GFRAL: variants seen among roughly 807,000 people sequenced by gnomAD.
GFRAL encodes GDNF family receptor alpha-like.
A neutral mutation model predicts 45.4 loss-of-function variants in GFRAL; 36 were observed. The observed-to-expected ratio is 0.79, with a 90% CI of 0.61 to 1.05. The LOEUF (loss-of-function observed/expected upper bound fraction) is 1.05, where lower values mean the gene tolerates loss of function less well. Ranked by LOEUF, GFRAL falls within the 50% of genes least tolerant of loss-of-function variation. The pLI is 0.00. For missense variants in GFRAL, 507 were observed against 467.5 expected (o/e 1.08, Z -0.78); for synonymous variants, 166 against 154.1 (o/e 1.08, Z -0.57).
chr6:55,382,865 GAAA>G (rs1768628932), intron 6 of GFRAL, among the ~76,000 whole-genome samples: 1 of 151,878 alleles, frequency 6.6e-6, no homozygotes, highest in South Asian at 2.1e-4. Context: ...TATCAGTAAA[GAAA>G]TATCTGAAAC....
intron 6 of GFRAL, among the ~76,000 whole-genome samples, chr6:55,384,907 T>C (rs1446214734): frequency 2.7e-5 from 4 of 150,044 alleles, no homozygotes; most frequent in African/African-American, 9.8e-5. Flanking sequence ...AGTTAGCCTA[T>C]GAGGAATGCT....
intron 6 of GFRAL, among the ~76,000 whole-genome samples, chr6:55,370,928 A>G (rs1226197579): frequency 6.6e-6 from 1 of 152,178 alleles, no homozygotes; most frequent in African/African-American, 2.4e-5. Context: ...GCCATTTCGC[A>G]TCTTCTTAGG....
chr6:55,340,646 C>T (rs535281306), intron 3 of GFRAL, among the ~76,000 whole-genome samples: 9 of 152,118 alleles, frequency 5.9e-5, no homozygotes, highest in Non-Finnish European at 1.2e-4. Flanking sequence ...GTACCAGGTT[C>T]ATCTCACTGG....
chr6:55,359,617 CTCGG>C, intron 6 of GFRAL, among the ~76,000 whole-genome samples: 1 of 152,046 alleles, frequency 6.6e-6, no homozygotes, highest in East Asian at 1.9e-4. Flanking sequence ...TATCTTTAGG[CTCGG>C]CTGAGGCTGT....
chr6:55,397,173 G>A (rs774494114), intron 6 of GFRAL, among the ~76,000 whole-genome samples: 1 of 152,122 alleles, frequency 6.6e-6, no homozygotes, highest in African/African-American at 2.4e-5. Context: ...CACATTGGAG[G>A]TTTCTTAAAT....
chr6:55,378,434 A>G (rs565782916), intron 6 of GFRAL, among the ~76,000 whole-genome samples: 8 of 152,126 alleles, frequency 5.3e-5, no homozygotes, highest in Admixed American at 1.3e-4. Flanking sequence ...GCCATTCAGC[A>G]TTGGTAGAAC....
intron 2 of GFRAL, among the ~76,000 whole-genome samples, chr6:55,332,433 T>A (rs935256617): frequency 6.8e-6 from 1 of 148,042 alleles, no homozygotes. Context: ...TTTTTTTTTT[T>A]ATTTTGAGAC....
chr6:55,352,662 G>A (rs569527570), intron 5 of GFRAL, among the ~76,000 whole-genome samples: 31 of 152,102 alleles, frequency 2.0e-4, no homozygotes, highest in Admixed American at 3.3e-4. Context: ...GAAAAGTACC[G>A]TATGAAATCT....
chr6:55,364,857 T>G (rs1444282511), intron 6 of GFRAL, among the ~76,000 whole-genome samples: 1 of 152,166 alleles, frequency 6.6e-6, no homozygotes, highest in African/African-American at 2.4e-5. Flanking sequence ...TAGTATAGTT[T>G]GAAGTCAGGT....
chr6:55,351,684 C>A, intron 5 of GFRAL, 101 bp downstream of exon 5: 1 of 736,748 alleles, frequency 1.4e-6, no homozygotes, highest in Non-Finnish European at 2.2e-6. Context: ...GAGTTCCCAC[C>A]ATCATCCAAC....
At chr6:55,329,693 T>G (rs1305213997) in intron 1 of GFRAL, among the ~76,000 whole-genome samples, 1 of 152,072 alleles carries the variant, frequency 6.6e-6, no homozygotes, top group Non-Finnish European at 1.5e-5. Flanking sequence ...AAAGCTGATA[T>G]GTCCATTTCC....
intron 6 of GFRAL, among the ~76,000 whole-genome samples, chr6:55,381,625 A>G (rs1441532110): frequency 1.3e-5 from 2 of 151,942 alleles, no homozygotes; most frequent in Admixed American, 1.3e-4. Context: ...CCTTAAGTAC[A>G]TAAAATTTTA....
chr6:55,383,915 G>A (rs900909664), intron 6 of GFRAL, among the ~76,000 whole-genome samples: 1 of 152,018 alleles, frequency 6.6e-6, no homozygotes, highest in Non-Finnish European at 1.5e-5. Flanking sequence ...ATCTGGCAAT[G>A]TTCACTTACT....
intron 6 of GFRAL, among the ~76,000 whole-genome samples, chr6:55,375,601 C>G (rs913459151): frequency 6.6e-6 from 1 of 151,984 alleles, no homozygotes; most frequent in African/African-American, 2.4e-5. Context: ...TTTGAATACA[C>G]TTTATTTCCT....
intron 6 of GFRAL, among the ~76,000 whole-genome samples, chr6:55,379,574 TAC>T (rs66953657): frequency 0.58 from 68,684 of 117,904 alleles, 16,118 homozygotes; most frequent in East Asian, 0.77. Flanking sequence ...TGTTTTGAAA[TAC>T]ACACACACAC....
At chr6:55,366,040 G>C (rs960926321) in intron 6 of GFRAL, among the ~76,000 whole-genome samples, 7 of 151,206 alleles carry the variant, frequency 4.6e-5, no homozygotes, top group African/African-American at 1.7e-4. Context: ...TGTACCTCTG[G>C]TAGAATTCGG....
intron 6 of GFRAL, among the ~76,000 whole-genome samples, chr6:55,379,446 A>G (rs1173417248): frequency 6.6e-6 from 1 of 151,974 alleles, no homozygotes; most frequent in African/African-American, 2.4e-5. Flanking sequence ...TACAAAGACT[A>G]TAGTGAATAC....
chr6:55,379,201 GGTTTGTTAC>G (rs1451534695), intron 6 of GFRAL, among the ~76,000 whole-genome samples: 5 of 151,798 alleles, frequency 3.3e-5, no homozygotes, highest in Non-Finnish European at 5.9e-5. Context: ...TACATGTGAA[GGTTTGTTAC>G]GTAGGTAAAC....
intron 6 of GFRAL, among the ~76,000 whole-genome samples, chr6:55,361,935 T>C (rs1423592918): frequency 6.6e-6 from 1 of 152,062 alleles, no homozygotes; most frequent in Non-Finnish European, 1.5e-5. Context: ...AAATGCATTG[T>C]TTCTCAAACT....
Sources: gnomAD v4.1 joint callset for allele counts (sites outside exome capture counted in the v4.1 genomes callset) on GRCh38, gnomAD v4.1.1 for gene constraint, MANE v1.5 for transcripts, NCBI Gene and HGNC (gene_info 2026-07-23, HGNC 2026-07-21) for gene names.